PACSIN2: variants seen among roughly 807,000 people sequenced by gnomAD.
PACSIN2 encodes the protein protein kinase C and casein kinase substrate in neurons 2.
Under a neutral mutation model 63.8 loss-of-function variants are expected in PACSIN2, and 25 were observed. That is an observed-to-expected ratio of 0.39 (90% CI 0.29 to 0.55). The LOEUF (loss-of-function observed/expected upper bound fraction) is 0.55. PACSIN2 is among the 20% of genes least tolerant of loss of function. The pLI is 0.62. For missense variants in PACSIN2, 518 were observed against 646.9 expected (o/e 0.80, Z 2.16); for synonymous variants, 255 against 256.2 (o/e 1.00, Z 0.05).
chr22:42,949,951 A>G (rs1408393151), intron 1 of PACSIN2, among the ~76,000 whole-genome samples: 1 of 152,220 alleles, frequency 6.6e-6, no homozygotes, highest in Non-Finnish European at 1.5e-5. Flanking sequence ...GCTAAGAGCT[A>G]GGGGATGGAA....
At chr22:42,882,990 G>A (rs1929195552) in intron 6 of PACSIN2, among the ~76,000 whole-genome samples, 1 of 152,200 alleles carries the variant, frequency 6.6e-6, no homozygotes, top group Non-Finnish European at 1.5e-5. Flanking sequence ...AGACATGCTG[G>A]AGTCCAAACC....
At chr22:42,922,666 A>T (rs973486339) in intron 1 of PACSIN2, among the ~76,000 whole-genome samples, 2 of 152,166 alleles carry the variant, frequency 1.3e-5, no homozygotes, top group African/African-American at 4.8e-5. Context: ...ATTTATTCTA[A>T]GCCAATGTTT....
chr22:42,908,353 CTGTTCCCAGAGCCTACTGAAT>C (rs1931226205), intron 2 of PACSIN2, among the ~76,000 whole-genome samples: 1 of 144,902 alleles, frequency 6.9e-6, no homozygotes, highest in Non-Finnish European at 1.5e-5. Context: ...ACCTGCCATC[CTGTTCCCAGAGCCTACTGAAT>C]GAAGGTAAGG....
intron 1 of PACSIN2, among the ~76,000 whole-genome samples, chr22:42,935,336 A>G (rs1220116712): frequency 6.6e-6 from 1 of 150,418 alleles, no homozygotes; most frequent in Non-Finnish European, 1.5e-5. Flanking sequence ...CTAACTCACC[A>G]TTTCTCTCCT....
At chr22:42,915,817 T>C (rs182567715) in intron 1 of PACSIN2, among the ~76,000 whole-genome samples, 3 of 152,354 alleles carry the variant, frequency 2.0e-5, no homozygotes, top group Non-Finnish European at 4.4e-5. Context: ...TCAACTACTT[T>C]CATCTGAACC....
chr22:42,888,490 A>C (rs1190110667), intron 5 of PACSIN2, among the ~76,000 whole-genome samples, 153 bp downstream of exon 5: 1 of 152,016 alleles, frequency 6.6e-6, no homozygotes, highest in East Asian at 1.9e-4. Flanking sequence ...TAGGGCACTC[A>C]CCTGTGGCCT....
chr22:42,939,937 T>TA (rs1477465403), intron 1 of PACSIN2, among the ~76,000 whole-genome samples: 2 of 152,228 alleles, frequency 1.3e-5, no homozygotes, highest in African/African-American at 4.8e-5. Flanking sequence ...GACTGCATGT[T>TA]AGTGGCAATC....
At chr22:42,978,356 T>C (rs1458672450) in intron 1 of PACSIN2, among the ~76,000 whole-genome samples, 2 of 152,216 alleles carry the variant, frequency 1.3e-5, no homozygotes, top group Non-Finnish European at 2.9e-5. Flanking sequence ...CTGTTTCTCT[T>C]GGCATGAGCA....
intron 1 of PACSIN2, among the ~76,000 whole-genome samples, chr22:42,919,698 G>C (rs1261178464): frequency 6.9e-6 from 1 of 144,678 alleles, no homozygotes; most frequent in Non-Finnish European, 1.5e-5. Context: ...ACTTGAACCC[G>C]GGAAGTGGAG....
At chr22:42,917,722 C>A (rs1931905585) in intron 1 of PACSIN2, among the ~76,000 whole-genome samples, 1 of 152,160 alleles carries the variant, frequency 6.6e-6, no homozygotes, top group African/African-American at 2.4e-5. Flanking sequence ...TCGATCTTGG[C>A]CTTTCAGAAG....
intron 1 of PACSIN2, among the ~76,000 whole-genome samples, chr22:42,929,569 C>CA (rs35942650): frequency 0.021 from 3,273 of 152,296 alleles, 199 homozygotes; most frequent in East Asian, 0.19. Context: ...CTCAGAACTC[C>CA]AAAACGATCC....
chr22:43,013,534 G>A (rs949596207), intron 1 of PACSIN2, among the ~76,000 whole-genome samples: 5 of 152,336 alleles, frequency 3.3e-5, no homozygotes, highest in Non-Finnish European at 4.4e-5. Context: ...ATGCAGGCAG[G>A]CTCATGAATC....
At chr22:42,968,519 C>T (rs899557158) in intron 1 of PACSIN2, among the ~76,000 whole-genome samples, 3 of 152,154 alleles carry the variant, frequency 2.0e-5, no homozygotes, top group African/African-American at 7.2e-5. Context: ...TGGCATGTGT[C>T]ATGGTTAGTT....
rs558560909 is a variant in PACSIN2 at position 42,965,120 on chromosome 22, A to T, written c.-78+49901T>A. The stretch of plus-strand genomic sequence containing the variant: ...GGCAATAAAAAGGAATGAGCTACTG[A>T]CAGATGTGACATGGATCAATCACAA... On this transcript the variant is annotated intron_variant, in intron 1 of 10. Transcript: ENST00000263246. Among the ~76,000 whole-genome samples, 3 of 152,350 alleles carry T rather than the reference A, an allele frequency of 2.0e-5. No individual in the cohort carries two copies. In the East Asian group the frequency reaches 5.8e-4, roughly 29 times the overall value.
At chr22:42,873,394 A>T (rs780286274) in intron 10 of PACSIN2, among the ~76,000 whole-genome samples, 7 of 152,178 alleles carry the variant, frequency 4.6e-5, no homozygotes, top group Non-Finnish European at 8.8e-5. Flanking sequence ...AAAAACAAAA[A>T]AACCCAACTT....
At position 42,888,731 on chromosome 22, in the gene PACSIN2, G is replaced by A; in HGVS notation, c.521C>T (p.Ala174Val). The A allele has an allele frequency of 6.2e-7, 1 of 1,614,090 alleles. No homozygotes were observed. Among genetic ancestry groups the A allele is most frequent in the Admixed American group, 1.7e-5 (1 of 60,020 alleles). Reference sequence around the variant, plus strand: ...GAGGGATGGGTCTGCCTTGCTGTTGGCTTCTCGTGAGATAGCCAGCTTCTC... The same window carrying A: ...GAGGGATGGGTCTGCCTTGCTGTTGACTTCTCGTGAGATAGCCAGCTTCTC... ...KEEKLAISRE[A>V]NSKADPSLNP... Residue 174 changes from alanine to valine, a missense_variant, in exon 5 of 11, where the codon GCC (alanine) becomes GTC (valine). Coordinates refer to ENST00000263246, the MANE Select transcript of PACSIN2 (RefSeq NM_001184970.3).
intron 2 of PACSIN2, among the ~76,000 whole-genome samples, chr22:42,910,655 C>T (rs765636499): frequency 1.4e-4 from 21 of 152,234 alleles, no homozygotes; most frequent in Non-Finnish European, 2.8e-4. Flanking sequence ...GTCACTGCTC[C>T]TGTCACTCTT....
At chr22:42,990,654 G>T (rs1437414936) in intron 1 of PACSIN2, among the ~76,000 whole-genome samples, 2 of 152,204 alleles carry the variant, frequency 1.3e-5, no homozygotes, top group Non-Finnish European at 2.9e-5. Flanking sequence ...AATGCAAGAA[G>T]TTCAGGAGTG....
intron 1 of PACSIN2, among the ~76,000 whole-genome samples, chr22:43,007,014 G>A (rs1415844677): frequency 6.6e-6 from 1 of 152,028 alleles, no homozygotes; most frequent in African/African-American, 2.4e-5. Flanking sequence ...TGACCTTTGT[G>A]AAATTGAGTC....
Sources: gnomAD v4.1 joint callset for allele counts (sites outside exome capture counted in the v4.1 genomes callset) on GRCh38, gnomAD v4.1.1 for gene constraint, MANE v1.5 for transcripts, NCBI Gene and HGNC (gene_info 2026-07-23, HGNC 2026-07-21) for gene names.